HIBCH: variants seen among roughly 807,000 people sequenced by gnomAD.
The protein encoded by HIBCH is 3-hydroxyisobutyryl-CoA hydrolase, mitochondrial.
Under a neutral mutation model 58.2 loss-of-function variants are expected in HIBCH, and 50 were observed. That is an observed-to-expected ratio of 0.86 (90% CI 0.68 to 1.09). The LOEUF is 1.09. HIBCH is among the 50% of genes least tolerant of loss of function. HIBCH has a pLI of 0.00. For synonymous variants in HIBCH, 151 were observed against 146.9 expected (o/e 1.03, Z -0.20); for missense variants, 450 against 449.7 (o/e 1.00, Z -0.01).
intron 6 of HIBCH, among the ~76,000 whole-genome samples, chr2:190,284,458 G>C (rs1320524611): frequency 6.6e-6 from 1 of 152,118 alleles, no homozygotes; most frequent in African/African-American, 2.4e-5. Flanking sequence ...AAGGAGTCTT[G>C]AGTTATAACT....
intron 11 of HIBCH, among the ~76,000 whole-genome samples, chr2:190,233,821 T>C (rs1686183646): frequency 6.6e-6 from 1 of 152,222 alleles, no homozygotes; most frequent in African/African-American, 2.4e-5. Context: ...CGTAATGTCA[T>C]GCTATTTTAT....
intron 2 of HIBCH, among the ~76,000 whole-genome samples, chr2:190,303,581 CAT>C (rs1688325554): frequency 6.6e-6 from 1 of 151,902 alleles, no homozygotes; most frequent in Non-Finnish European, 1.5e-5. Context: ...AATAAATATC[CAT>C]GAGTCCACAC....
In HIBCH at chr2:190,246,217, T is replaced by C; in HGVS notation, c.751-5A>G. On this transcript the variant is annotated splice_polypyrimidine_tract_variant and splice_region_variant and intron_variant, in intron 9 of 13. Coordinates refer to ENST00000359678, the MANE Select transcript of HIBCH (RefSeq NM_014362.4). ...CTTGTCTCGATCAATCTTAGACTGT[T>C]TGAAAAGAAAAATCTTTTAATAAAT... 1 of 1,557,152 alleles carries C rather than the reference T, an allele frequency of 6.4e-7. No individual in the cohort carries two copies. The highest frequency in any genetic ancestry group is 1.1e-5 in the South Asian group (1 of 87,354).
intron 6 of HIBCH, among the ~76,000 whole-genome samples, chr2:190,273,288 G>A (rs1687454875): frequency 6.6e-6 from 1 of 152,212 alleles, no homozygotes; most frequent in Admixed American, 6.5e-5. Context: ...AGCTACTCGG[G>A]AGGCTGAGGC....
intron 6 of HIBCH, among the ~76,000 whole-genome samples, chr2:190,270,968 G>A (rs951685623): frequency 4.0e-5 from 6 of 151,854 alleles, no homozygotes; most frequent in African/African-American, 1.5e-4. Flanking sequence ...AGACAAAAAT[G>A]ATATTCAACA....
intron 9 of HIBCH, among the ~76,000 whole-genome samples, chr2:190,249,010 T>C (rs1170845671): frequency 6.6e-6 from 1 of 152,180 alleles, no homozygotes; most frequent in Non-Finnish European, 1.5e-5. Flanking sequence ...TCAGAGTTCT[T>C]TGGTTTAAGT....
At chr2:190,225,548 T>C (rs1410584338) in intron 11 of HIBCH, among the ~76,000 whole-genome samples, 4 of 152,084 alleles carry the variant, frequency 2.6e-5, no homozygotes, top group East Asian at 1.9e-4. Flanking sequence ...TGGACACATA[T>C]ACCCTCCCAA....
chr2:190,283,721 T>C (rs773896080), intron 6 of HIBCH, among the ~76,000 whole-genome samples: 10 of 152,186 alleles, frequency 6.6e-5, no homozygotes, highest in Non-Finnish European at 1.3e-4. Context: ...TGGTTGGGCA[T>C]ACCTGATGGA....
chr2:190,308,279 T>A (rs1688466651), intron 2 of HIBCH, among the ~76,000 whole-genome samples: 1 of 152,186 alleles, frequency 6.6e-6, no homozygotes, highest in Non-Finnish European at 1.5e-5. Context: ...GCTCCTAGTT[T>A]TTTTTCTAGG....
chr2:190,204,735 A>T lies in HIBCH; in HGVS notation c.*382T>A. On this transcript the variant is annotated 3_prime_UTR_variant, in exon 14 of 14. Coordinates refer to ENST00000359678, the MANE Select transcript of HIBCH (RefSeq NM_014362.4). ...AGATCCCATTTCAATTAGATATACC[A>T]CTCAAGAGAATCTCCAAAGATCTTC... 1 of 232,128 alleles carries T rather than the reference A, an allele frequency of 4.3e-6. No homozygotes were observed. The allele number at this position is 232,128 out of a possible 1,614,324, so 14.4% of individuals were successfully genotyped here.
At chr2:190,240,461 T>C (rs1174017726) in intron 11 of HIBCH, among the ~76,000 whole-genome samples, 4 of 152,226 alleles carry the variant, frequency 2.6e-5, no homozygotes, top group African/African-American at 9.6e-5. Context: ...TCACTGATTT[T>C]TTTGAAGTGT....
At chr2:190,319,675 C>T (rs759271283) in intron 1 of HIBCH, 41 bp downstream of exon 1, 5 of 1,537,944 alleles carry the variant, frequency 3.3e-6, no homozygotes, top group Non-Finnish European at 4.5e-6. Context: ...TGGCGAGTGC[C>T]GCTGAAGAGC....
At chr2:190,225,834 C>T (rs1007777762) in intron 11 of HIBCH, among the ~76,000 whole-genome samples, 1 of 152,140 alleles carries the variant, frequency 6.6e-6, no homozygotes, top group Non-Finnish European at 1.5e-5. Context: ...GAATTTTAGA[C>T]CAATATCCCT....
chr2:190,286,619 T>G (rs1687833136), intron 6 of HIBCH, among the ~76,000 whole-genome samples: 1 of 152,232 alleles, frequency 6.6e-6, no homozygotes, highest in Admixed American at 6.5e-5. Context: ...AAGGCTAATC[T>G]TTGTCAGTAC....
chr2:190,223,988 G>A (rs1685810362), intron 11 of HIBCH, among the ~76,000 whole-genome samples: 1 of 152,184 alleles, frequency 6.6e-6, no homozygotes, highest in African/African-American at 2.4e-5. Context: ...AAGGGGTCGG[G>A]GAATTCCCTT....
chr2:190,284,897 T>C (rs765332312), intron 6 of HIBCH, among the ~76,000 whole-genome samples: 1 of 152,204 alleles, frequency 6.6e-6, no homozygotes. Context: ...TAAAGTCTTA[T>C]TTCATTATAT....
At chr2:190,246,533 C>A (rs1686613498) in intron 9 of HIBCH, among the ~76,000 whole-genome samples, 1 of 152,184 alleles carries the variant, frequency 6.6e-6, no homozygotes, top group Non-Finnish European at 1.5e-5. Context: ...AAAGGTCAAC[C>A]TGCCCAAATT....
chr2:190,216,553 G>A lies in HIBCH; in HGVS notation c.892-3478C>T, dbSNP rs1456973877. On this transcript the variant is annotated intron_variant, in intron 11 of 13. Coordinates refer to ENST00000359678, the MANE Select transcript of HIBCH (RefSeq NM_014362.4). This position sits in a 1 kb window ranked among gnomAD's most constrained non-coding sequence, Gnocchi z 4.2. ...GCTGCAGGGCTGTGTGGGGACTGTG[G>A]CTAACTGAAGAGGGCACACCCTGTT... 6.6e-6 allele frequency among the ~76,000 whole-genome samples: 1 copy of A among 152,144 alleles called. No individual in the cohort carries two copies. The highest frequency in any genetic ancestry group is 2.4e-5 in the African/African-American group (1 of 41,428).
At chr2:190,198,122 G>A (rs1690064083) in intron 1 of HIBCH, among the ~76,000 whole-genome samples, 1 of 152,112 alleles carries the variant, frequency 6.6e-6, no homozygotes, top group Non-Finnish European at 1.5e-5. Flanking sequence ...GCGTGAAGCA[G>A]GGCATACAGA....
Sources: gnomAD v4.1 joint callset for allele counts (sites outside exome capture counted in the v4.1 genomes callset) on GRCh38, gnomAD v4.1.1 for gene constraint, Gnocchi (gnomAD v3.1) non-coding constraint, MANE v1.5 for transcripts, NCBI Gene and HGNC (gene_info 2026-07-23, HGNC 2026-07-21) for gene names.